Variants in ADAMTSL3 observed in about 807,000 individuals in gnomAD.
The protein encoded by ADAMTSL3 is ADAMTS like 3, also known as ADAMTS-like protein 3.
In ADAMTSL3, 128 loss-of-function variants were observed where a neutral mutation model predicts 201.7. The ratio of observed to expected loss-of-function variants is 0.63; its 90% confidence interval spans 0.55 to 0.73. The LOEUF is 0.73. Among genes scored for constraint, ADAMTSL3 ranks in the 30% least tolerant of loss-of-function variants. The pLI is 0.00. For synonymous variants in ADAMTSL3, 738 were observed against 748.4 expected (o/e 0.99, Z 0.23); for missense variants, 1,990 against 2,119.6 (o/e 0.94, Z 1.20).
chr15:84,025,531 C>CG lies in ADAMTSL3; in HGVS notation c.4656+101dup, dbSNP rs374834889. The CG allele has an allele frequency of 6.1e-4, 738 of 1,219,460 alleles. 6 individuals carry two copies. In the African/African-American group the frequency reaches 9.0e-3, roughly 15 times the overall value. 75.5% of individuals were successfully genotyped at this position (1,219,460 alleles called of 1,614,324 possible). A position where few individuals can be genotyped will look rare whatever the true frequency, so the allele number is the denominator to read the frequency against. ...TGTTTCCAATAAACTACTTTTGGGG[C>CG]GGGGGGCAGGAATCTGACTGGTCTC... On this transcript the variant is annotated intron_variant, in intron 27 of 29. Transcript: ENST00000286744.
chr15:83,798,098 GA>G (rs143884084), intron 4 of ADAMTSL3, among the ~76,000 whole-genome samples: 9 of 151,178 alleles, frequency 6.0e-5, no homozygotes, highest in Non-Finnish European at 8.9e-5. Context: ...AGTTTTCAGA[GA>G]AAAAAAAACT....
intron 6 of ADAMTSL3, among the ~76,000 whole-genome samples, chr15:83,821,313 G>A (rs1460766565): frequency 1.3e-5 from 2 of 150,636 alleles, no homozygotes; most frequent in Non-Finnish European, 1.5e-5. Flanking sequence ...AGGGTCATAG[G>A]ACAATAGTGG....
intron 2 of ADAMTSL3, among the ~76,000 whole-genome samples, chr15:83,656,499 A>G (rs150215017): frequency 1.1e-4 from 16 of 152,344 alleles, no homozygotes; most frequent in Admixed American, 2.0e-4. Flanking sequence ...ACATAAGCCC[A>G]GGATTGCCAG....
chr15:83,972,228 G>T (rs1180325208), intron 20 of ADAMTSL3, among the ~76,000 whole-genome samples: 2 of 152,024 alleles, frequency 1.3e-5, no homozygotes, highest in African/African-American at 2.4e-5. Context: ...TTTAGCCCAC[G>T]TTTTTAGCTG....
At chr15:84,008,777 T>C (rs2067947176) in intron 23 of ADAMTSL3, among the ~76,000 whole-genome samples, 2 of 152,306 alleles carry the variant, frequency 1.3e-5, no homozygotes, top group South Asian at 4.1e-4. Context: ...GTAATAGTTA[T>C]TTCAAACTTA....
chr15:83,939,241 GTTC>G lies in ADAMTSL3; in HGVS notation c.2118-3346_2118-3344del, dbSNP rs140409906. ...GACATAGGCTTAAATGAGTTGGGAA[GTTC>G]TTCTTCTTTTTTTTTTGAGAGTTTA... On this transcript the variant is annotated intron_variant, in intron 17 of 29. Coordinates refer to ENST00000286744, the MANE Select transcript of ADAMTSL3 (RefSeq NM_207517.3). Among the ~76,000 whole-genome samples the G allele has an allele frequency of 6.4e-3, 969 of 151,776 alleles. 7 individuals are homozygous for G. Among genetic ancestry groups the G allele is most frequent in the African/African-American group, 0.021 (854 of 41,430 alleles).
chr15:83,838,641 G>A (rs933697376), intron 7 of ADAMTSL3, among the ~76,000 whole-genome samples: 1 of 151,946 alleles, frequency 6.6e-6, no homozygotes, highest in Admixed American at 6.6e-5. Context: ...TTTCCTCATT[G>A]TTGAGAGCTT....
intron 3 of ADAMTSL3, among the ~76,000 whole-genome samples, chr15:83,744,124 A>T (rs1234198204): frequency 6.6e-6 from 1 of 152,194 alleles, no homozygotes; most frequent in Non-Finnish European, 1.5e-5. Flanking sequence ...TGCTGGGATT[A>T]TAGGCGTGAG....
intron 13 of ADAMTSL3, among the ~76,000 whole-genome samples, chr15:83,897,317 G>A (rs754673046): frequency 2.0e-5 from 3 of 152,190 alleles, no homozygotes; most frequent in South Asian, 4.2e-4. Flanking sequence ...ATAGATGTAT[G>A]GGGATACATC....
intron 17 of ADAMTSL3, among the ~76,000 whole-genome samples, chr15:83,928,671 A>G (rs1596418844): frequency 6.6e-6 from 1 of 152,210 alleles, no homozygotes; most frequent in Non-Finnish European, 1.5e-5. Context: ...TTTTTCAGAA[A>G]AGAAAGCCAA....
intron 6 of ADAMTSL3, 106 bp downstream of exon 6, chr15:83,820,153 T>C (rs749285070): frequency 1.6e-5 from 16 of 979,904 alleles, no homozygotes; most frequent in Non-Finnish European, 2.2e-5. Flanking sequence ...GATGTAAATA[T>C]TGCTATTGGC....
At chr15:84,023,672 T>C (rs548154418) in intron 26 of ADAMTSL3, among the ~76,000 whole-genome samples, 1 of 152,326 alleles carries the variant, frequency 6.6e-6, no homozygotes, top group East Asian at 1.9e-4. Flanking sequence ...AGAATCCACA[T>C]TGGGAAATCT....
intron 3 of ADAMTSL3, among the ~76,000 whole-genome samples, chr15:83,771,135 C>A (rs2062975303): frequency 6.7e-6 from 1 of 150,266 alleles, no homozygotes; most frequent in South Asian, 2.1e-4. Flanking sequence ...TGGTGCTATA[C>A]TGTGTCCTTA....
chr15:83,719,275 T>C (rs1596083807), intron 3 of ADAMTSL3, among the ~76,000 whole-genome samples: 1 of 152,174 alleles, frequency 6.6e-6, no homozygotes, highest in South Asian at 2.1e-4. Flanking sequence ...TGGGAAACTT[T>C]ACAGGACAAA....
intron 2 of ADAMTSL3, among the ~76,000 whole-genome samples, chr15:83,692,403 A>T (rs75798762): frequency 0.017 from 2,638 of 151,980 alleles, 76 homozygotes; most frequent in African/African-American, 0.057. Context: ...AAGAGTTTTG[A>T]GGCTGGGCAC....
chr15:83,706,508 C>A (rs1038763481), intron 3 of ADAMTSL3, among the ~76,000 whole-genome samples: 3 of 152,200 alleles, frequency 2.0e-5, no homozygotes, highest in African/African-American at 7.2e-5. Flanking sequence ...TAATAGCACC[C>A]ACTTTCCTCT....
At chr15:83,991,311 G>A (rs1353850961) in intron 23 of ADAMTSL3, 97 bp downstream of exon 23, 13 of 1,565,496 alleles carry the variant, frequency 8.3e-6, no homozygotes, top group African/African-American at 8.1e-5. Flanking sequence ...TTTGGTATTC[G>A]AGACCTCAGC....
chr15:83,927,713 A>G (rs140283795), intron 17 of ADAMTSL3, among the ~76,000 whole-genome samples: 1 of 152,332 alleles, frequency 6.6e-6, no homozygotes, highest in Non-Finnish European at 1.5e-5. Flanking sequence ...ATTGCATACT[A>G]CAACATAAAG....
intron 17 of ADAMTSL3, among the ~76,000 whole-genome samples, chr15:83,939,395 G>A (rs115257839): frequency 0.014 from 2,194 of 152,042 alleles, 60 homozygotes; most frequent in African/African-American, 0.047. Context: ...AGACTATTCC[G>A]ATTTCTCTTC....
Sources: gnomAD v4.1 joint callset for allele counts (sites outside exome capture counted in the v4.1 genomes callset) on GRCh38, gnomAD v4.1.1 for gene constraint, MANE v1.5 for transcripts, NCBI Gene and HGNC (gene_info 2026-07-23, HGNC 2026-07-21) for gene names.